The following SLC30A9 variants were observed in gnomAD, a reference collection of about 807,000 sequenced individuals.
SLC30A9 encodes proton-coupled zinc antiporter SLC30A9, mitochondrial.
Under a neutral mutation model 87.5 loss-of-function variants are expected in SLC30A9, and 58 were observed. That is an observed-to-expected ratio of 0.66 (90% CI 0.54 to 0.82). The LOEUF (loss-of-function observed/expected upper bound fraction) is 0.82. SLC30A9 is among the 40% of genes least tolerant of loss of function. SLC30A9 has a pLI of 0.00. For missense variants in SLC30A9, 557 were observed against 679.1 expected (o/e 0.82, Z 2.00); for synonymous variants, 234 against 233.0 (o/e 1.00, Z -0.04).
intron 4 of SLC30A9, 75 bp from the exon 5 acceptor site, chr4:42,022,763 C>A: frequency 2.7e-6 from 2 of 750,190 alleles, no homozygotes; most frequent in Non-Finnish European, 4.4e-6. Context: ...CTTTTATCTG[C>A]CCTTAGTAAT....
rs570406621 is a variant in SLC30A9 at position 42,047,462 on chromosome 4, A to G, written c.738-1915A>G. On this transcript the variant is annotated intron_variant, in intron 8 of 17. Transcript: ENST00000264451. ...TCAAAAGAAGATATTTATGCAGCCA[A>G]CAAACATATGGAAAAAAGCTCATCA... 3.9e-5 allele frequency among the ~76,000 whole-genome samples: 6 copies of G among 152,358 alleles called. No homozygotes were observed. The East Asian group carries it at 1.2e-3, about 29-fold the overall frequency.
At chr4:42,010,513 C>T (rs1197128332) in intron 2 of SLC30A9, among the ~76,000 whole-genome samples, 1 of 152,084 alleles carries the variant, frequency 6.6e-6, no homozygotes, top group East Asian at 1.9e-4. Flanking sequence ...AACACACACA[C>T]AGTATTTGGT....
intron 6 of SLC30A9, among the ~76,000 whole-genome samples, chr4:42,028,036 GGAGT>G (rs1276595058): frequency 2.1e-4 from 32 of 152,218 alleles, no homozygotes; most frequent in African/African-American, 7.7e-4. Context: ...TACTATTTGA[GGAGT>G]GAGTGCTGAG....
At chr4:42,002,492 G>A (rs918619503) in intron 2 of SLC30A9, among the ~76,000 whole-genome samples, 1 of 151,902 alleles carries the variant, frequency 6.6e-6, no homozygotes, top group Non-Finnish European at 1.5e-5. Flanking sequence ...TGTACCTAGT[G>A]TTTAGCTCCT....
chr4:42,067,057 C>T (rs1256170730), intron 13 of SLC30A9, 28 bp from the exon 14 acceptor site: 7 of 1,388,550 alleles, frequency 5.0e-6, no homozygotes, highest in Non-Finnish European at 7.1e-6. Flanking sequence ...TAGAAATTTT[C>T]TTGTCTTGTC....
intron 17 of SLC30A9, 147 bp downstream of exon 17, chr4:42,078,472 A>C: frequency 2.1e-6 from 1 of 484,338 alleles, no homozygotes; most frequent in Non-Finnish European, 3.7e-6. Context: ...TAAGCAAGAA[A>C]ATGACTGGGT....
At chr4:42,033,227 A>G (rs557446326) in intron 6 of SLC30A9, among the ~76,000 whole-genome samples, 4 of 152,120 alleles carry the variant, frequency 2.6e-5, no homozygotes, top group Admixed American at 1.3e-4. Context: ...AGTCAAACCT[A>G]CAGAACAGAT....
chr4:41,995,263 C>A (rs1029027841), intron 1 of SLC30A9, among the ~76,000 whole-genome samples: 4 of 151,804 alleles, frequency 2.6e-5, no homozygotes, highest in Non-Finnish European at 5.9e-5. Context: ...TCCGTCCCCC[C>A]ACCAAAAAAA....
intron 14 of SLC30A9, among the ~76,000 whole-genome samples, chr4:42,069,237 CCAAT>C (rs1718206861): frequency 1.3e-5 from 2 of 152,018 alleles, no homozygotes; most frequent in African/African-American, 4.8e-5. Flanking sequence ...ATAATAGAAA[CCAAT>C]CAAATCAAAT....
In SLC30A9 at chr4:42,000,600, C is replaced by G. The variant is rs539496382; in HGVS notation, c.110-1016C>G. ...GGAAACTTGAGTGAATACTTATGTT[C>G]CCTTATGTCCTTTGTGCTCTTCATA... is the stretch of plus-strand genomic sequence containing the variant. On this transcript the variant is annotated intron_variant, in intron 1 of 17. Transcript: ENST00000264451. Among the ~76,000 whole-genome samples the G allele has an allele frequency of 5.3e-5, 8 of 152,142 alleles. No individual in the cohort carries two copies. In the South Asian group the frequency reaches 1.5e-3, roughly 28 times the overall value.
chr4:42,023,428 T>G, intron 6 of SLC30A9, 44 bp downstream of exon 6: 1 of 1,255,794 alleles, frequency 8.0e-7, no homozygotes, highest in East Asian at 2.3e-5. Context: ...AAAAATAACT[T>G]GTAGATGAGA....
Position 42,051,999 on chromosome 4 carries a change from A to T in SLC30A9, c.840+2520A>T, listed in dbSNP as rs573959195. Among the ~76,000 whole-genome samples the T allele has an allele frequency of 1.0e-3, 155 of 149,900 alleles. 1 individual carries two copies. Among genetic ancestry groups the T allele is most frequent in the African/African-American group, 3.6e-3 (150 of 41,142 alleles). On this transcript the variant is annotated intron_variant, in intron 9 of 17. Transcript: ENST00000264451. Reference sequence around the variant, plus strand: ...TTTATTATATAAATATATAAATATGATATATATAAAAATGATATTATATCA... The same window carrying T: ...TTTATTATATAAATATATAAATATGTTATATATAAAAATGATATTATATCA...
chr4:42,030,176 C>T (rs893012907), intron 6 of SLC30A9: 8 of 655,016 alleles, frequency 1.2e-5, no homozygotes, highest in African/African-American at 1.1e-4. Context: ...AAAAAAGATA[C>T]AAAAGCCTGT....
intron 17 of SLC30A9, among the ~76,000 whole-genome samples, chr4:42,081,645 A>G (rs970944490): frequency 1.3e-5 from 2 of 152,170 alleles, no homozygotes; most frequent in African/African-American, 4.8e-5. Flanking sequence ...ACTTGTTTTT[A>G]TTTTGCTGGC....
At chr4:42,058,228 A>C (rs1168443550) in intron 9 of SLC30A9, among the ~76,000 whole-genome samples, 1 of 152,106 alleles carries the variant, frequency 6.6e-6, no homozygotes, top group African/African-American at 2.4e-5. Context: ...AAGTTCACAA[A>C]TCTCTAGGGC....
intron 10 of SLC30A9, among the ~76,000 whole-genome samples, chr4:42,062,525 TTA>T (rs1206818144): frequency 1.3e-5 from 2 of 152,216 alleles, no homozygotes; most frequent in Non-Finnish European, 2.9e-5. Flanking sequence ...CAGCAATAAA[TTA>T]TGTGTTGTAA....
chr4:42,068,426 A>G (rs200802450), intron 14 of SLC30A9, among the ~76,000 whole-genome samples: 1 of 151,724 alleles, frequency 6.6e-6, no homozygotes, highest in South Asian at 2.1e-4. Context: ...TATTTTCATT[A>G]GAGACGGGGT....
chr4:42,023,260 C>A, intron 5 of SLC30A9, 42 bp from the exon 6 acceptor site: 1 of 1,261,612 alleles, frequency 7.9e-7, no homozygotes, highest in South Asian at 1.2e-5. Context: ...TCAATAAAGT[C>A]ATTAAAATTG....
At chr4:42,019,590 T>A (rs1388373445) in intron 3 of SLC30A9, among the ~76,000 whole-genome samples, 2 of 152,162 alleles carry the variant, frequency 1.3e-5, no homozygotes, top group Non-Finnish European at 2.9e-5. Context: ...GGCTTTAAAC[T>A]TTTTTGACTG....
Sources: allele counts gnomAD v4.1 joint callset (sites outside exome capture counted in the v4.1 genomes callset), GRCh38; gene constraint gnomAD v4.1.1; transcripts MANE v1.5; gene names NCBI Gene and HGNC (gene_info 2026-07-23, HGNC 2026-07-21).